Variants in TEX2 observed in about 807,000 individuals in gnomAD.
The protein encoded by TEX2 is testis-expressed protein 2.
TEX2 carries 53 observed loss-of-function variants against 106.9 expected under a neutral mutation model. The ratio of observed to expected loss-of-function variants is 0.50; its 90% CI spans 0.40 to 0.62. TEX2 has a LOEUF of 0.62. TEX2 is among the 20% of genes least tolerant of loss of function. The pLI, the probability that TEX2 is intolerant of heterozygous loss-of-function variation, is 0.00. For synonymous variants in TEX2, 523 were observed against 534.8 expected (o/e 0.98, Z 0.30); for missense variants, 1,207 against 1,379.0 (o/e 0.88, Z 1.98).
intron 5 of TEX2, among the ~76,000 whole-genome samples, chr17:64,187,795 G>A (rs1335439200): frequency 1.3e-5 from 2 of 152,008 alleles, no homozygotes; most frequent in African/African-American, 2.4e-5. Context: ...TCACTCCCCC[G>A]TGACCAACAG....
chr17:64,196,912 C>A (rs782219553), intron 2 of TEX2, among the ~76,000 whole-genome samples: 1 of 149,656 alleles, frequency 6.7e-6, no homozygotes. Flanking sequence ...AGTGACTTCA[C>A]GTTGGTAGCT....
chr17:64,154,606 T>C (rs562704068), intron 9 of TEX2, among the ~76,000 whole-genome samples: 1 of 152,322 alleles, frequency 6.6e-6, no homozygotes, highest in East Asian at 1.9e-4. Flanking sequence ...AACTTCTCTA[T>C]TATTTAATCA....
intron 1 of TEX2, among the ~76,000 whole-genome samples, chr17:64,226,214 G>A (rs1196236051): frequency 1.3e-5 from 2 of 152,012 alleles, no homozygotes; most frequent in Non-Finnish European, 1.5e-5. Flanking sequence ...CTCCCCTCCC[G>A]TCCCTATTGG....
chr17:64,235,315 C>T (rs547243609), intron 1 of TEX2, among the ~76,000 whole-genome samples: 1 of 152,376 alleles, frequency 6.6e-6, no homozygotes, highest in Admixed American at 6.5e-5. Flanking sequence ...CACTGTGTGG[C>T]ACTGCCTCAT....
chr17:64,170,750 A>G lies in TEX2; in HGVS notation c.2671+350T>C, dbSNP rs886863249. ...TGGGTTCAAGCGATTCTCCTGCCTC[A>G]GCCTCCTGAGTAGCTGGGATTACAG... is the stretch of plus-strand genomic sequence containing the variant. On this transcript the variant is annotated intron_variant, in intron 7 of 11. Coordinates refer to ENST00000584379, the MANE Select transcript of TEX2 (RefSeq NM_001288732.2). 4.1e-5 allele frequency among the ~76,000 whole-genome samples: 6 copies of G among 146,180 alleles called. 1 individual carries two copies. In the South Asian group the frequency reaches 1.3e-3, roughly 31 times the overall value.
In TEX2 at chr17:64,213,520, A is replaced by C; in HGVS notation, c.698T>G (p.Val233Gly). 6.2e-7 allele frequency: 1 copy of C among 1,614,062 alleles called. No homozygotes were observed. The highest frequency in any genetic ancestry group is 8.5e-7 in the Non-Finnish European group (1 of 1,179,972). ...TDTSRQESDTVSYKPPDSKLN... is the reference protein window; with the variant it reads ...TDTSRQESDTGSYKPPDSKLN... The stretch of plus-strand genomic sequence containing the variant: ...TTTGGAATCAGGTGGCTTATAGGAC[A>C]CTGTATCCGACTCCTGCCGGGAAGT... The change falls in exon 2 of 12, where the codon GTG becomes GGG. Residue 233 changes from valine (V) to glycine (G), a missense_variant. Around this residue, in one of 3 missense-constraint regions of TEX2, gnomAD observed 1,067 missense variants for 1,193.6 expected, o/e 0.89. Coordinates refer to ENST00000584379, the MANE Select transcript of TEX2 (RefSeq NM_001288732.2). The surrounding 1 kb of genome is among the most constrained non-coding windows in gnomAD (Gnocchi z 4.4).
intron 1 of TEX2, among the ~76,000 whole-genome samples, chr17:64,254,155 T>G (rs1299539706): frequency 2.0e-5 from 3 of 152,188 alleles, no homozygotes; most frequent in African/African-American, 7.2e-5. Context: ...ACTCAGAGAT[T>G]CACTCCTCAT....
rs71156002 is a variant in TEX2 at position 64,170,622 on chromosome 17, CTTTTTTTT to C, written c.2671+470_2671+477del. Reference sequence around the variant, plus strand: ...ATGGGAGCTTGGATCTATTCCAAATCTTTTTTTTTTTTTTTTTTTTTTTTTGTGAGACA... The same window carrying C: ...ATGGGAGCTTGGATCTATTCCAAATCTTTTTTTTTTTTTTTTTGTGAGACA... On this transcript the variant is annotated intron_variant, in intron 7 of 11. Transcript: ENST00000584379. Among the ~76,000 whole-genome samples the C allele has an allele frequency of 5.2e-4, 38 of 73,746 alleles. 2 individuals carry two copies. Among genetic ancestry groups the C allele is most frequent in the Middle Eastern group, 0.016 (1 of 64 alleles). 48.4% of individuals were successfully genotyped at this position (73,746 alleles called of 152,430 possible). A position where few individuals can be genotyped will look rare whatever the true frequency, so the allele number is the denominator to read the frequency against.
intron 5 of TEX2, 138 bp downstream of exon 5, chr17:64,188,030 C>G: frequency 1.1e-6 from 1 of 951,194 alleles, no homozygotes; most frequent in Non-Finnish European, 1.5e-6. Context: ...ATTACAAGTT[C>G]CCCAAAGGCA....
chr17:64,193,880 C>T lies in TEX2; in HGVS notation c.1855G>A (p.Val619Ile). 2 of 1,535,336 alleles carry T rather than the reference C, an allele frequency of 1.3e-6. No homozygotes were observed. The highest frequency in any genetic ancestry group is 8.8e-7 in the Non-Finnish European group (1 of 1,137,224). Residue 619 changes from valine to isoleucine, a missense_variant, in exon 4 of 12, where the codon GTA becomes ATA. Transcript: ENST00000584379. ...CGCTTTCGAGCCAAAGTTTTAGGTA[C>T]AAGATAAATCTACAGAGAAAGAAAA... ...YDLSDSKIYL[V>I]PKTLARKRIW...
In TEX2 at chr17:64,221,021, A is replaced by G. The variant is rs1160864559; in HGVS notation, c.-25-6779T>C. On this transcript the variant is annotated intron_variant, in intron 1 of 11. Coordinates refer to ENST00000584379, the MANE Select transcript of TEX2 (RefSeq NM_001288732.2). ...ATACACCATGGAATACTATGCAGCC[A>G]TAAAAAGAAATGAGATCATGTCCTT... Among the ~76,000 whole-genome samples the G allele has an allele frequency of 3.3e-5, 5 of 152,368 alleles. No individual in the cohort carries two copies. The South Asian group carries it at 8.3e-4, about 25-fold the overall frequency.
chr17:64,242,842 T>C (rs1555635890), intron 1 of TEX2, among the ~76,000 whole-genome samples: 3 of 152,184 alleles, frequency 2.0e-5, no homozygotes, highest in East Asian at 3.9e-4. Flanking sequence ...TCCCAACACG[T>C]TTGGAAGCCA....
intron 1 of TEX2, among the ~76,000 whole-genome samples, chr17:64,262,237 C>T (rs2034300466): frequency 6.6e-6 from 1 of 152,230 alleles, no homozygotes; most frequent in African/African-American, 2.4e-5. Flanking sequence ...GATGTCCTCC[C>T]TGGACAGTGT....
Position 64,246,986 on chromosome 17 carries a change from G to A in TEX2, c.-26+16182C>T, listed in dbSNP as rs868940348. 2.6e-5 allele frequency among the ~76,000 whole-genome samples: 4 copies of A among 152,286 alleles called. No homozygotes were observed. In the South Asian group the frequency reaches 6.2e-4, roughly 24 times the overall value. On this transcript the variant is annotated intron_variant, in intron 1 of 11. Coordinates refer to ENST00000584379, the MANE Select transcript of TEX2 (RefSeq NM_001288732.2). ...AGGATACAGAAAAATAAAGAAGGCGGCAGCTGGGCGTGGTGGCTCATGCCT... is the reference window on the plus strand; with the variant it reads ...AGGATACAGAAAAATAAAGAAGGCGACAGCTGGGCGTGGTGGCTCATGCCT...
chr17:64,176,111 C>A (rs1267627459), intron 6 of TEX2, among the ~76,000 whole-genome samples: 1 of 152,204 alleles, frequency 6.6e-6, no homozygotes, highest in African/African-American at 2.4e-5. Flanking sequence ...CACAAACAGG[C>A]TGACACCTGT....
intron 1 of TEX2, among the ~76,000 whole-genome samples, chr17:64,231,288 T>A (rs1311215714): frequency 2.6e-5 from 4 of 152,154 alleles, no homozygotes; most frequent in Admixed American, 1.3e-4. Context: ...TCTTACTCTG[T>A]ACAAACATCA....
intron 1 of TEX2, among the ~76,000 whole-genome samples, chr17:64,261,063 T>C (rs1339851353): frequency 2.0e-5 from 3 of 152,318 alleles, no homozygotes; most frequent in Admixed American, 6.5e-5. Context: ...GTGAGGAGAA[T>C]TTCCCCATTG....
intron 4 of TEX2, among the ~76,000 whole-genome samples, chr17:64,192,528 T>G (rs946030495): frequency 6.6e-6 from 1 of 152,212 alleles, no homozygotes; most frequent in Admixed American, 6.5e-5. Context: ...CAGCCTCCAG[T>G]ACTGTGAGAG....
chr17:64,195,123 T>C lies in TEX2; in HGVS notation c.1645-28A>G. On this transcript the variant is annotated intron_variant, in intron 2 of 11. Transcript: ENST00000584379. The surrounding 1 kb of genome is among the most constrained non-coding windows in gnomAD (Gnocchi z 4.1). ...GATGAAGAAAAACTTCCATTAGTAA[T>C]ATCAGAATAATCGCAAATCTGATTT... 1 of 1,604,302 alleles carries C rather than the reference T, an allele frequency of 6.2e-7. No homozygotes were observed. The highest frequency in any genetic ancestry group is 8.5e-7 in the Non-Finnish European group (1 of 1,171,512).
Sources: gnomAD v4.1 joint callset for allele counts (sites outside exome capture counted in the v4.1 genomes callset) on GRCh38, gnomAD v4.1.1 for gene constraint, gnomAD v4.1.1 regional missense constraint, Gnocchi (gnomAD v3.1) non-coding constraint, MANE v1.5 for transcripts, NCBI Gene and HGNC (gene_info 2026-07-23, HGNC 2026-07-21) for gene names.